The following RAI14 variants were observed in gnomAD, a reference collection of about 807,000 sequenced individuals.
The protein encoded by RAI14 is ankycorbin.
In RAI14, 45 loss-of-function variants were observed where a neutral mutation model predicts 115.4. The observed-to-expected ratio is 0.39, with a 90% CI of 0.31 to 0.50. RAI14 has a LOEUF of 0.50. Ranked by LOEUF, RAI14 falls within the 20% of genes least tolerant of loss-of-function variation. The pLI is 0.85. For missense variants in RAI14, 939 were observed against 1,131.2 expected (o/e 0.83, Z 2.44); for synonymous variants, 371 against 415.4 (o/e 0.89, Z 1.30).
Position 34,672,169 on chromosome 5 carries a change from A to C in RAI14, c.-48-14703A>C, listed in dbSNP as rs188970666. Among the ~76,000 whole-genome samples the C allele has an allele frequency of 6.1e-3, 934 of 152,358 alleles. 9 individuals carry two copies. The highest frequency in any genetic ancestry group is 0.021 in the African/African-American group (892 of 41,582). On this transcript the variant is annotated intron_variant, in intron 1 of 17. Transcript: ENST00000265109. Reference sequence around the variant, plus strand: ...ACCCATGTGGACTTTTTATTTAAAAAAAAACTGAATGATTTTGTAGGCTGG... The same window carrying C: ...ACCCATGTGGACTTTTTATTTAAAACAAAACTGAATGATTTTGTAGGCTGG...
At position 34,831,339 on chromosome 5, in the gene RAI14, C is replaced by A. The variant is rs1758004169; in HGVS notation, c.*574C>A. On this transcript the variant is annotated 3_prime_UTR_variant, in exon 18 of 18. Transcript: ENST00000265109. The stretch of plus-strand genomic sequence containing the variant: ...CCCATCTGCCTTATATATCTCATCA[C>A]CCTGCTTATCAATATTCAGTTTGAT... 1 of 152,710 alleles carries A rather than the reference C, an allele frequency of 6.5e-6. No homozygotes were observed. Among genetic ancestry groups the A allele is most frequent in the South Asian group, 2.1e-4 (1 of 4,832 alleles). The allele number at this position is 152,710 out of a possible 1,614,324, so 9.5% of individuals were successfully genotyped here. A position where few individuals can be genotyped will look rare whatever the true frequency, so the allele number is the denominator to read the frequency against.
chr5:34,819,985 CCATT>C (rs1435110391), intron 13 of RAI14, among the ~76,000 whole-genome samples: 1 of 152,152 alleles, frequency 6.6e-6, no homozygotes, highest in East Asian at 1.9e-4. Flanking sequence ...ACTTTAAAAA[CCATT>C]CACTGTATCT....
intron 7 of RAI14, 110 bp downstream of exon 7, chr5:34,808,764 G>A: frequency 9.9e-7 from 1 of 1,014,750 alleles, no homozygotes; most frequent in South Asian, 1.5e-5. Context: ...AACCTTTTTG[G>A]CATCAGGGGC....
intron 2 of RAI14, among the ~76,000 whole-genome samples, chr5:34,706,554 G>A (rs950851570): frequency 5.3e-5 from 8 of 152,262 alleles, no homozygotes; most frequent in Admixed American, 3.9e-4. Context: ...ACTCGAACCC[G>A]GAGTTTGGGA....
intron 11 of RAI14, among the ~76,000 whole-genome samples, chr5:34,814,190 T>C (rs1009166968): frequency 6.6e-6 from 1 of 152,116 alleles, no homozygotes; most frequent in African/African-American, 2.4e-5. Context: ...TAATGGCAGG[T>C]AAAAACACAT....
intron 3 of RAI14, among the ~76,000 whole-genome samples, chr5:34,789,249 T>A (rs1752655924): frequency 6.6e-6 from 1 of 152,218 alleles, no homozygotes; most frequent in African/African-American, 2.4e-5. Context: ...TATCAGTCAC[T>A]GCATACATAA....
chr5:34,727,940 G>A (rs1334503808), intron 2 of RAI14, among the ~76,000 whole-genome samples: 1 of 152,168 alleles, frequency 6.6e-6, no homozygotes, highest in Non-Finnish European at 1.5e-5. Flanking sequence ...GAAGGCCACT[G>A]TCCTACAGAG....
In RAI14 at chr5:34,692,141, TA is replaced by T. The variant is rs58386052; in HGVS notation, c.36+5188del. Reference sequence around the variant, plus strand: ...AGCCAGGCATGGTGGTGCATGCTCGTAATCCCAGCTACTCGGGAGGCTGAGG... The same window carrying T: ...AGCCAGGCATGGTGGTGCATGCTCGTATCCCAGCTACTCGGGAGGCTGAGG... On this transcript the variant is annotated intron_variant, in intron 2 of 17. Coordinates refer to ENST00000265109, the MANE Select transcript of RAI14 (RefSeq NM_015577.3). 5.8e-3 allele frequency among the ~76,000 whole-genome samples: 885 copies of T among 152,226 alleles called. 10 individuals carry two copies. The highest frequency in any genetic ancestry group is 0.021 in the African/African-American group (860 of 41,528).
chr5:34,826,316 TC>T lies in RAI14; in HGVS notation c.2650-12del. 8.1e-6 allele frequency: 13 copies of T among 1,610,996 alleles called. No individual in the cohort carries two copies. The highest frequency in any genetic ancestry group is 1.1e-5 in the Non-Finnish European group (13 of 1,178,104). ...ATGTTACTGTCTGCTAATACCATTT[TC>T]CTTTGCCCCTAGATAAATGAGATGT... is the stretch of plus-strand genomic sequence containing the variant. On this transcript the variant is annotated splice_polypyrimidine_tract_variant and intron_variant, in intron 15 of 17. Transcript: ENST00000265109.
chr5:34,799,718 C>T, intron 4 of RAI14, among the ~76,000 whole-genome samples: 3 of 120,536 alleles, frequency 2.5e-5, no homozygotes, highest in Admixed American at 9.3e-5. Flanking sequence ...GACACGGAGT[C>T]TCACTGTCTC....
At position 34,806,671 on chromosome 5, in the gene RAI14, A is replaced by G. The variant is rs534448816; in HGVS notation, c.322-1129A>G. Among the ~76,000 whole-genome samples, 20 of 152,130 alleles carry G rather than the reference A, an allele frequency of 1.3e-4. No homozygotes were observed. In the South Asian group the frequency reaches 4.0e-3, roughly 30 times the overall value. ...AGCTGAATCGCTGGTTTCTGGCTCA[A>G]TGTCTAGACTGATGATGATGCTGTT... On this transcript the variant is annotated intron_variant, in intron 5 of 17. Transcript: ENST00000265109.
intron 1 of RAI14, chr5:34,685,594 G>T (rs1389304205): frequency 6.6e-6 from 1 of 151,744 alleles, no homozygotes. Context: ...ACTATATAGG[G>T]CAGTGAAAAC....
At chr5:34,730,692 T>C (rs865949392) in intron 2 of RAI14, among the ~76,000 whole-genome samples, 2 of 151,658 alleles carry the variant, frequency 1.3e-5, no homozygotes, top group Non-Finnish European at 2.9e-5. Context: ...AAATAAAAAA[T>C]AAAAACAGGG....
At chr5:34,684,060 GAAACC>G (rs1561234451) in intron 1 of RAI14, among the ~76,000 whole-genome samples, 1 of 152,188 alleles carries the variant, frequency 6.6e-6, no homozygotes, top group Non-Finnish European at 1.5e-5. Context: ...AGTTGGCGTA[GAAACC>G]CTGGCCCAGC....
At chr5:34,786,944 G>A (rs1225956729) in intron 3 of RAI14, among the ~76,000 whole-genome samples, 1 of 152,230 alleles carries the variant, frequency 6.6e-6, no homozygotes, top group African/African-American at 2.4e-5. Context: ...TTCCTTATGG[G>A]AAATAAAGGG....
At chr5:34,741,645 T>C (rs540155116) in intron 2 of RAI14, among the ~76,000 whole-genome samples, 1 of 152,302 alleles carries the variant, frequency 6.6e-6, no homozygotes, top group Non-Finnish European at 1.5e-5. Context: ...GAGGGAGCGC[T>C]GGGCAAAGAG....
intron 2 of RAI14, among the ~76,000 whole-genome samples, chr5:34,700,359 C>G (rs1479978947): frequency 3.3e-5 from 5 of 152,118 alleles, no homozygotes; most frequent in African/African-American, 9.7e-5. Context: ...GCTGTAGACT[C>G]TTGCCTTTTT....
intron 3 of RAI14, among the ~76,000 whole-genome samples, chr5:34,771,186 G>A (rs1750108237): frequency 6.6e-6 from 1 of 152,220 alleles, no homozygotes; most frequent in South Asian, 2.1e-4. Flanking sequence ...GCTTCCATCT[G>A]TGAAATGAAG....
chr5:34,824,662 G>T (rs946511254), intron 15 of RAI14, among the ~76,000 whole-genome samples, 171 bp downstream of exon 15: 1 of 152,246 alleles, frequency 6.6e-6, no homozygotes, highest in Admixed American at 6.5e-5. Context: ...TTGTTGGGTC[G>T]GCCGGACGTG....
Sources: allele counts gnomAD v4.1 joint callset (sites outside exome capture counted in the v4.1 genomes callset), GRCh38; gene constraint gnomAD v4.1.1; transcripts MANE v1.5; gene names NCBI Gene and HGNC (gene_info 2026-07-23, HGNC 2026-07-21).